Variants in CDH6 observed in about 807,000 individuals in gnomAD.
CDH6 encodes cadherin 6, also known as cadherin-6.
Under a neutral mutation model 78.0 loss-of-function variants are expected in CDH6, and 31 were observed. The ratio of observed to expected loss-of-function variants is 0.40; its 90% CI spans 0.30 to 0.54. The LOEUF (loss-of-function observed/expected upper bound fraction) is 0.54. CDH6 is among the 20% of genes least tolerant of loss of function. The pLI, the probability that CDH6 is intolerant of heterozygous loss-of-function variation, is 0.56. For synonymous variants in CDH6, 376 were observed against 368.8 expected (o/e 1.02, Z -0.23); for missense variants, 724 against 975.9 (o/e 0.74, Z 3.44).
Position 31,294,243 on chromosome 5 carries a change from A to T in CDH6, c.510A>T (p.Glu170Asp). 6.2e-7 allele frequency: 1 copy of T among 1,612,844 alleles called. No homozygotes were observed. Among genetic ancestry groups the T allele is most frequent in the Non-Finnish European group, 8.5e-7 (1 of 1,179,254 alleles). ...AGGTTTACACAGCCACTGTCCCTGA[A>T]ATGTCTGATGTCGGTGAGTGAGACG... is the stretch of plus-strand genomic sequence containing the variant. ...TKEVYTATVPEMSDVGTFVVQ... is the reference protein window; with the variant it reads ...TKEVYTATVPDMSDVGTFVVQ... The change falls in exon 3 of 12, where the codon GAA becomes GAT. Residue 170 changes from glutamate (E) to aspartate (D), a missense_variant. Glu to Asp is a conservative substitution (Grantham distance 45). Around this residue, in one of 3 missense-constraint regions of CDH6, gnomAD observed 446 missense variants for 684.5 expected, o/e 0.65. Transcript: ENST00000265071. This position sits in a 1 kb window ranked among gnomAD's most constrained non-coding sequence, Gnocchi z 4.1.
At chr5:31,199,685 G>GTGTATATATATATATATA (rs796740950) in intron 1 of CDH6, among the ~76,000 whole-genome samples, 45 of 79,834 alleles carry the variant, frequency 5.6e-4, no homozygotes, top group Non-Finnish European at 6.4e-4. Context: ...GTGTGTGTGT[G>GTGTATATATATATATATA]TATATATATA....
intron 2 of CDH6, among the ~76,000 whole-genome samples, chr5:31,290,973 G>A (rs1743141613): frequency 2.0e-5 from 3 of 152,166 alleles, no homozygotes; most frequent in South Asian, 4.1e-4. Context: ...TGTTTCGGGT[G>A]TTTGTTCTAT....
intron 1 of CDH6, among the ~76,000 whole-genome samples, chr5:31,247,311 G>C (rs1266721981): frequency 6.6e-6 from 1 of 152,216 alleles, no homozygotes; most frequent in Non-Finnish European, 1.5e-5. Context: ...TCACTCCTCA[G>C]TTTAGAGGAG....
chr5:31,309,500 A>G (rs968297873), intron 7 of CDH6, among the ~76,000 whole-genome samples: 1 of 152,136 alleles, frequency 6.6e-6, no homozygotes, highest in African/African-American at 2.4e-5. Flanking sequence ...TACTGAGGCA[A>G]TGTTTTTAAC....
chr5:31,306,250 C>T (rs577172267), intron 7 of CDH6, among the ~76,000 whole-genome samples: 10 of 152,138 alleles, frequency 6.6e-5, no homozygotes, highest in African/African-American at 1.9e-4. Context: ...TCATGATATA[C>T]GTCTGTGAAA....
intron 1 of CDH6, among the ~76,000 whole-genome samples, chr5:31,219,194 G>C (rs1237073520): frequency 6.6e-6 from 1 of 152,158 alleles, no homozygotes; most frequent in African/African-American, 2.4e-5. Flanking sequence ...ATTCTCTTCT[G>C]TGTCTCCAGG....
chr5:31,222,142 G>A (rs901535626), intron 1 of CDH6, among the ~76,000 whole-genome samples: 1 of 152,032 alleles, frequency 6.6e-6, no homozygotes, highest in African/African-American at 2.4e-5. Context: ...ATCTTAAAAT[G>A]GCCAAGTGAC....
rs896323698 is a variant in CDH6 at position 31,239,120 on chromosome 5, A to G, written c.-128-28226A>G. Among the ~76,000 whole-genome samples the G allele has an allele frequency of 2.6e-5, 4 of 152,228 alleles. No homozygotes were observed. In the East Asian group the frequency reaches 7.7e-4, roughly 29 times the overall value. On this transcript the variant is annotated intron_variant, in intron 1 of 11. Transcript: ENST00000265071. The stretch of plus-strand genomic sequence containing the variant: ...CATAACTGTTCCTCCGCAGGGCATC[A>G]TATGGTAGATACATATTGAAATCTG...
chr5:31,307,886 A>T (rs545938024), intron 7 of CDH6, among the ~76,000 whole-genome samples: 3 of 152,208 alleles, frequency 2.0e-5, no homozygotes, highest in African/African-American at 7.2e-5. Flanking sequence ...TTTATGAAAG[A>T]AAGTAGTTAG....
chr5:31,314,972 A>G lies in CDH6; in HGVS notation c.1391-1236A>G, dbSNP rs1321938464. On this transcript the variant is annotated intron_variant, in intron 8 of 11. Coordinates refer to ENST00000265071, the MANE Select transcript of CDH6 (RefSeq NM_004932.4). ...AAGAATCTTACTGTCTAATCTTCTT[A>G]ACAACCTTTGATATAACAGAAACCA... 1.3e-5 allele frequency among the ~76,000 whole-genome samples: 2 copies of G among 152,178 alleles called. 1 individual carries two copies.
chr5:31,219,094 C>A (rs557468202), intron 1 of CDH6, among the ~76,000 whole-genome samples: 1 of 152,300 alleles, frequency 6.6e-6, no homozygotes, highest in African/African-American at 2.4e-5. Flanking sequence ...CTCATCCAAG[C>A]AATTGAAGGC....
At chr5:31,222,971 ACT>A (rs150455542) in intron 1 of CDH6, among the ~76,000 whole-genome samples, 3 of 149,454 alleles carry the variant, frequency 2.0e-5, no homozygotes, top group African/African-American at 4.9e-5. Context: ...TGCAATACCA[ACT>A]CTCTCTCTCT....
intron 1 of CDH6, among the ~76,000 whole-genome samples, chr5:31,219,943 C>T (rs780644484): frequency 2.0e-5 from 3 of 152,172 alleles, no homozygotes; most frequent in Non-Finnish European, 4.4e-5. Flanking sequence ...AGTTGTTCCC[C>T]TCTTAATTTC....
At chr5:31,286,765 C>T (rs889030261) in intron 2 of CDH6, among the ~76,000 whole-genome samples, 1 of 151,996 alleles carries the variant, frequency 6.6e-6, no homozygotes, top group Non-Finnish European at 1.5e-5. Context: ...AGAAAGCAAG[C>T]CTGGGTGTGT....
chr5:31,203,257 A>G (rs920255259), intron 1 of CDH6, among the ~76,000 whole-genome samples: 1 of 117,794 alleles, frequency 8.5e-6, no homozygotes, highest in Non-Finnish European at 1.8e-5. Flanking sequence ...TTTATTTTTT[A>G]TTATTATACT....
chr5:31,253,277 A>T (rs1328644493), intron 1 of CDH6, among the ~76,000 whole-genome samples: 3 of 152,170 alleles, frequency 2.0e-5, no homozygotes, highest in Admixed American at 2.0e-4. Context: ...GGGGGCAGTT[A>T]CCCTCATGCT....
chr5:31,273,097 C>A (rs1022509393), intron 2 of CDH6, among the ~76,000 whole-genome samples: 3 of 152,104 alleles, frequency 2.0e-5, no homozygotes, highest in African/African-American at 7.2e-5. Context: ...CCATACACAC[C>A]TTTAAAATTA....
chr5:31,227,384 C>T (rs1208557025), intron 1 of CDH6, among the ~76,000 whole-genome samples: 1 of 152,086 alleles, frequency 6.6e-6, no homozygotes, highest in East Asian at 1.9e-4. Flanking sequence ...TTTGCCCAGT[C>T]CCATATACTG....
At chr5:31,208,353 G>T (rs1368905808) in intron 1 of CDH6, among the ~76,000 whole-genome samples, 1 of 152,130 alleles carries the variant, frequency 6.6e-6, no homozygotes, top group African/African-American at 2.4e-5. Context: ...TGTTCCAAAG[G>T]CCACGAGGGG....
Sources: allele counts gnomAD v4.1 joint callset (sites outside exome capture counted in the v4.1 genomes callset), GRCh38; gene constraint gnomAD v4.1.1; regional missense constraint gnomAD v4.1.1; non-coding constraint Gnocchi (gnomAD v3.1); transcripts MANE v1.5; gene names NCBI Gene and HGNC (gene_info 2026-07-23, HGNC 2026-07-21).